AVEN: variants seen among roughly 807,000 people sequenced by gnomAD.
The protein encoded by AVEN is cell death regulator Aven.
Under a neutral mutation model 38.1 loss-of-function variants are expected in AVEN, and 41 were observed. That is an observed-to-expected ratio of 1.08 (90% CI 0.84 to 1.40). The LOEUF (loss-of-function observed/expected upper bound fraction) is 1.40, where lower values mean the gene tolerates loss of function less well. AVEN is among the 40% of genes most tolerant of loss of function. The pLI, the probability that AVEN is intolerant of heterozygous loss-of-function variation, is 0.00. For missense variants in AVEN, 605 were observed against 438.8 expected, an observed-to-expected ratio of 1.38 and a Z score of -3.38; for synonymous variants, 206 against 171.8, an observed-to-expected ratio of 1.20 and a Z score of -1.56.
At chr15:33,918,880 T>C (rs1893272713) in intron 2 of AVEN, among the ~76,000 whole-genome samples, 1 of 151,934 alleles carries the variant, frequency 6.6e-6, no homozygotes, top group African/African-American at 2.4e-5. Context: ...GCTACTGCCA[T>C]CTGGTCATCA....
At chr15:34,021,913 GAAA>G (rs1252277460) in intron 1 of AVEN, among the ~76,000 whole-genome samples, 1 of 152,084 alleles carries the variant, frequency 6.6e-6, no homozygotes, top group Non-Finnish European at 1.5e-5. Context: ...ACATTAACAT[GAAA>G]AAGAAGTGAG....
intron 2 of AVEN, among the ~76,000 whole-genome samples, chr15:33,993,381 G>A (rs1376028190): frequency 6.6e-6 from 1 of 152,084 alleles, no homozygotes; most frequent in African/African-American, 2.4e-5. Flanking sequence ...GTATGACTTT[G>A]AACAACCGTC....
At chr15:33,959,413 C>T (rs1280679900) in intron 2 of AVEN, among the ~76,000 whole-genome samples, 1 of 152,150 alleles carries the variant, frequency 6.6e-6, no homozygotes, top group Non-Finnish European at 1.5e-5. Flanking sequence ...TCAGATTCCT[C>T]AGCAGGAAGT....
chr15:33,852,521 A>T, the AVEN span: 1 of 155,410 alleles, frequency 6.4e-6, no homozygotes, highest in Non-Finnish European at 1.4e-5. Flanking sequence ...GTGGAAAAAC[A>T]CTCAGCTTAA....
rs556216853 is a variant in AVEN at position 34,035,195 on chromosome 15, T to C, written c.267+3585A>G. Among the ~76,000 whole-genome samples, 6 of 152,366 alleles carry C rather than the reference T, an allele frequency of 3.9e-5. No individual in the cohort carries two copies. In the South Asian group the frequency reaches 1.2e-3, roughly 32 times the overall value. On this transcript the variant is annotated intron_variant, in intron 1 of 5. Coordinates refer to ENST00000306730, the MANE Select transcript of AVEN (RefSeq NM_020371.3). ...TTGATCAGAATTAAATGCCTCCAGA[T>C]TCTACTTTTTAGTACAACTATAAAC...
At chr15:33,937,481 C>A (rs1339859731) in intron 2 of AVEN, among the ~76,000 whole-genome samples, 1 of 151,430 alleles carries the variant, frequency 6.6e-6, no homozygotes, top group Non-Finnish European at 1.5e-5. Flanking sequence ...TGCAGTGAGC[C>A]GAGATCACGC....
chr15:34,055,300 C>A (rs894843380), intron 5 of AVEN, among the ~76,000 whole-genome samples: 2 of 151,748 alleles, frequency 1.3e-5, no homozygotes, highest in Non-Finnish European at 2.9e-5. Flanking sequence ...GAGTTTGAGA[C>A]CAGCCTGGCC....
intron 1 of AVEN, among the ~76,000 whole-genome samples, chr15:34,030,070 A>G (rs572301106): frequency 5.3e-5 from 8 of 152,146 alleles, no homozygotes; most frequent in South Asian, 4.2e-4. Context: ...CCTGGCCAAC[A>G]TGGTGCGACC....
Position 33,860,555 on chromosome 15 carries a change from C to A in AVEN, n.2730-1461G>T, listed in dbSNP as rs2303309. 0.02 allele frequency: 25,852 copies of A among 1,294,762 alleles called. 2,092 individuals carry two copies. The East Asian group carries it at 0.3, about 15-fold the overall frequency. 80.2% of individuals were successfully genotyped at this position (1,294,762 alleles called of 1,614,324 possible). ...CTTTATCATTCCTCTACCCCTGAAC[C>A]ACTACACAGATTGCTTTGTCTTTGT... On this transcript the variant is annotated intron_variant and non_coding_transcript_variant, in intron 11 of 11. Transcript: ENST00000675287.
intron 2 of AVEN, among the ~76,000 whole-genome samples, chr15:34,070,392 T>G (rs1681503987): frequency 6.6e-6 from 1 of 151,812 alleles, no homozygotes. Flanking sequence ...TTTTTTTAAA[T>G]CGAACTCTTT....
intron 3 of AVEN, among the ~76,000 whole-genome samples, chr15:33,873,406 T>A (rs1308673723): frequency 1.3e-5 from 2 of 150,406 alleles, no homozygotes; most frequent in Non-Finnish European, 3.0e-5. Context: ...GCCCCCTCTC[T>A]ATTGTCTTGC....
intron 2 of AVEN, among the ~76,000 whole-genome samples, chr15:34,068,079 C>A (rs771960831): frequency 6.6e-6 from 1 of 152,080 alleles, no homozygotes; most frequent in East Asian, 1.9e-4. Flanking sequence ...ACCCACATTC[C>A]GCACTTAACG....
At chr15:33,909,711 TA>T (rs939203052) in intron 2 of AVEN, among the ~76,000 whole-genome samples, 1 of 152,236 alleles carries the variant, frequency 6.6e-6, no homozygotes, top group Non-Finnish European at 1.5e-5. Context: ...TTCAAATGTT[TA>T]AAATCAAAAC....
chr15:33,892,491 C>T (rs2153040824), intron 2 of AVEN, among the ~76,000 whole-genome samples: 1 of 152,032 alleles, frequency 6.6e-6, no homozygotes, highest in Middle Eastern at 3.4e-3. Flanking sequence ...GGAATCCTTT[C>T]CCCATTGCTT....
At chr15:33,920,494 TC>T (rs1893352454) in intron 2 of AVEN, among the ~76,000 whole-genome samples, 2 of 152,362 alleles carry the variant, frequency 1.3e-5, no homozygotes, top group South Asian at 4.1e-4. Context: ...ATCACGGTAT[TC>T]CTTTTGATAG....
intron 2 of AVEN, among the ~76,000 whole-genome samples, chr15:33,949,308 C>CG (rs1211410705): frequency 2.0e-5 from 3 of 152,218 alleles, no homozygotes; most frequent in African/African-American, 4.8e-5. Context: ...GCGTGAGCCA[C>CG]CGCGCCCAGC....
chr15:33,887,312 G>C (rs919375045), intron 2 of AVEN, among the ~76,000 whole-genome samples: 1 of 152,158 alleles, frequency 6.6e-6, no homozygotes, highest in African/African-American at 2.4e-5. Flanking sequence ...ACCATGAGTT[G>C]TCTCCCAACC....
chr15:33,987,831 T>C (rs1178870396), intron 2 of AVEN, among the ~76,000 whole-genome samples: 1 of 152,040 alleles, frequency 6.6e-6, no homozygotes, highest in Non-Finnish European at 1.5e-5. Context: ...CCAAGATGAG[T>C]GGGATCACAC....
chr15:33,982,450 A>C (rs904652732), intron 2 of AVEN, among the ~76,000 whole-genome samples: 11 of 152,276 alleles, frequency 7.2e-5, no homozygotes, highest in Admixed American at 5.2e-4. Flanking sequence ...ATTTCTGATA[A>C]TACTACTAAA....
Sources: gnomAD v4.1 joint callset for allele counts (sites outside exome capture counted in the v4.1 genomes callset) on GRCh38, gnomAD v4.1.1 for gene constraint, MANE v1.5 for transcripts, NCBI Gene and HGNC (gene_info 2026-07-23, HGNC 2026-07-21) for gene names.